The following CCT6A variants were observed in gnomAD, a reference collection of about 807,000 sequenced individuals.
CCT6A encodes chaperonin containing TCP1 subunit 6A, also known as T-complex protein 1 subunit zeta.
Under a neutral mutation model 58.6 loss-of-function variants are expected in CCT6A, and 6 were observed. The observed-to-expected ratio is 0.10, with a 90% CI of 0.06 to 0.20. The LOEUF is 0.20. CCT6A is among the 10% of genes least tolerant of loss of function. CCT6A has a pLI of 1.00. For missense variants in CCT6A, 516 were observed against 648.8 expected (o/e 0.80, Z 2.22); for synonymous variants, 245 against 227.8 (o/e 1.08, Z -0.68).
At chr7:56,053,672 C>G (rs1196231812) in intron 2 of CCT6A, among the ~76,000 whole-genome samples, 1 of 152,070 alleles carries the variant, frequency 6.6e-6, no homozygotes, top group Non-Finnish European at 1.5e-5. Context: ...GAGAATCGAT[C>G]GCTTAAACCT....
At position 56,058,069 on chromosome 7, in the gene CCT6A, CT is replaced by C; in HGVS notation, c.692del (p.Leu231ProfsTer7). On this transcript the variant is annotated frameshift_variant, in exon 6 of 14. Transcript: ENST00000275603. LOFTEE classifies it high-confidence loss of function. Reference protein sequence around the residue: ...MKKRVEDAYILTCNVSLEYEK... With the variant: ...MKKRVEDAYIXTCNVSLEYEK... ...GAAAAGGGTGGAGGATGCATACATC[CT>C]CACTTGTAACGTGTCATTAGAGTAT... is the stretch of plus-strand genomic sequence containing the variant. 6.2e-7 allele frequency: 1 copy of C among 1,608,732 alleles called. No individual in the cohort carries two copies. The highest frequency in any genetic ancestry group is 8.5e-7 in the Non-Finnish European group (1 of 1,175,152).
rs1368450875 is a variant in CCT6A, at chr7:56,052,446, C to G, written c.162C>G (p.Ile54Met). 6.2e-7 allele frequency: 1 copy of G among 1,613,984 alleles called. No homozygotes were observed. Among genetic ancestry groups the G allele is most frequent in the Non-Finnish European group, 8.5e-7 (1 of 1,179,944 alleles). ...GGCTCGTTTCTGGCGCTGGAGACAT[C>G]AAACTTACTAAAGACGGCAATGTGC... ...MKMLVSGAGD[I>M]KLTKDGNVLL... The change falls in exon 2 of 14, where the codon ATC becomes ATG. Residue 54 changes from isoleucine to methionine, a missense_variant. By Grantham distance (10) the Ile-to-Met change is conservative. Around this residue, in one of 3 missense-constraint regions of CCT6A, gnomAD observed 116 missense variants for 184.5 expected, o/e 0.63. Transcript: ENST00000275603.
Position 56,060,279 on chromosome 7 carries a change from A to G in CCT6A, c.1076A>G (p.Lys359Arg). The G allele has an allele frequency of 6.2e-7, 1 of 1,613,834 alleles. No individual in the cohort carries two copies. The highest frequency in any genetic ancestry group is 8.5e-7 in the Non-Finnish European group (1 of 1,179,750). The change falls in exon 10 of 14, where the codon AAG (lysine) becomes AGG (arginine). Residue 359 changes from lysine (K) to arginine (R), a missense_variant. By Grantham distance (26) the Lys-to-Arg change is conservative. Coordinates refer to ENST00000275603, the MANE Select transcript of CCT6A (RefSeq NM_001762.4). ...LVYEYTLGEEKFTFIEKCNNP... is the reference protein window; with the variant it reads ...LVYEYTLGEERFTFIEKCNNP... ...TTTTTCTACACATAGGGAGAAGAGA[A>G]GTTTACCTTTATTGAGAAATGTAAC...
chr7:56,054,668 G>A (rs1287784239), intron 3 of CCT6A, among the ~76,000 whole-genome samples, 165 bp downstream of exon 3: 1 of 152,186 alleles, frequency 6.6e-6, no homozygotes, highest in African/African-American at 2.4e-5. Flanking sequence ...CCTTGGACAG[G>A]TTATAGAACC....
At position 56,060,252 on chromosome 7, in the gene CCT6A, AT is replaced by A. The variant is rs71015173; in HGVS notation, c.1066-11del. On this transcript the variant is annotated splice_polypyrimidine_tract_variant and intron_variant, in intron 9 of 13. Transcript: ENST00000275603. Reference sequence around the variant, plus strand: ...CACAAATCCTGTTTTTGAAAATCATATTTTTTCTACACATAGGGAGAAGAGA... The same window carrying A: ...CACAAATCCTGTTTTTGAAAATCATATTTTTCTACACATAGGGAGAAGAGA... 0.021 allele frequency: 34,240 copies of A among 1,609,572 alleles called. 638 individuals are homozygous for A. Among genetic ancestry groups the A allele is most frequent in the Admixed American group, 0.079 (4,714 of 59,762 alleles).
chr7:56,056,704 A>G (rs1208459877), intron 5 of CCT6A, among the ~76,000 whole-genome samples: 3 of 148,480 alleles, frequency 2.0e-5, no homozygotes, highest in Non-Finnish European at 2.9e-5. Flanking sequence ...CCTGGGTGAC[A>G]AGAGCGAAAC....
intron 1 of CCT6A, 73 bp from the exon 2 acceptor site, chr7:56,052,349 G>A (rs1794142117): frequency 7.2e-7 from 1 of 1,394,398 alleles, no homozygotes; most frequent in African/African-American, 1.4e-5. Context: ...TCTGGGAAAA[G>A]CCCGTTTTCT....
At position 56,063,151 on chromosome 7, in the gene CCT6A, A is replaced by G; in HGVS notation, c.*66A>G. 9.0e-7 allele frequency: 1 copy of G among 1,112,762 alleles called. No individual in the cohort carries two copies. Among genetic ancestry groups the G allele is most frequent in the Non-Finnish European group, 1.4e-6 (1 of 729,780 alleles). 68.9% of individuals were successfully genotyped at this position (1,112,762 alleles called of 1,614,324 possible). A position where few individuals can be genotyped will look rare whatever the true frequency, so the allele number is the denominator to read the frequency against. On this transcript the variant is annotated 3_prime_UTR_variant, in exon 14 of 14. Coordinates refer to ENST00000275603, the MANE Select transcript of CCT6A (RefSeq NM_001762.4). ...GTGATCCTGAGGATTACAGCTGTGG[A>G]ATTTTTGTCCAAGCTTCAAATAATT...
At chr7:56,061,412 G>A (rs1322710534) in intron 11 of CCT6A, among the ~76,000 whole-genome samples, 2 of 72,746 alleles carry the variant, frequency 2.7e-5, no homozygotes, top group Admixed American at 3.6e-4. Flanking sequence ...TTTTGTTCTT[G>A]TTTCCCAGGC....
intron 12 of CCT6A, 132 bp downstream of exon 12, chr7:56,061,981 GATAAAATAGGATATTAATAAAAAATGGA>G: frequency 2.0e-6 from 1 of 505,218 alleles, no homozygotes; most frequent in Non-Finnish European, 3.6e-6. Context: ...TCTAAAATGG[GATAAAATAGGATATTAATAAAAAATGGA>G]ATGACTAGGT....
At position 56,058,078 on chromosome 7, in the gene CCT6A, A is replaced by G; in HGVS notation, c.700A>G (p.Asn234Asp). 1 of 1,600,760 alleles carries G rather than the reference A, an allele frequency of 6.2e-7. No homozygotes were observed. Among genetic ancestry groups the G allele is most frequent in the African/African-American group, 1.3e-5 (1 of 74,706 alleles). The change falls in exon 6 of 14, where the codon AAC (asparagine) becomes GAC (aspartate). Residue 234 changes from asparagine (N) to aspartate (D), a missense_variant. Coordinates refer to ENST00000275603, the MANE Select transcript of CCT6A (RefSeq NM_001762.4). Reference sequence around the variant, plus strand: ...GGAGGATGCATACATCCTCACTTGTAACGTGTCATTAGAGTATGAGAAAAC... The same window carrying G: ...GGAGGATGCATACATCCTCACTTGTGACGTGTCATTAGAGTATGAGAAAAC... The part of the protein sequence containing the change: ...RVEDAYILTC[N>D]VSLEYEKTEV...
chr7:56,059,891 G>C (rs1794396345), intron 9 of CCT6A: 1 of 413,250 alleles, frequency 2.4e-6, no homozygotes, highest in Non-Finnish European at 4.3e-6. Flanking sequence ...TGTAGAAACA[G>C]GTTCATAATT....
intron 1 of CCT6A, 99 bp downstream of exon 1, chr7:56,052,084 G>A: frequency 9.4e-7 from 1 of 1,065,852 alleles, no homozygotes; most frequent in Non-Finnish European, 1.2e-6. Flanking sequence ...CCTCGGGGCT[G>A]CGCAGCCGTC....
intron 5 of CCT6A, among the ~76,000 whole-genome samples, chr7:56,057,170 T>C (rs1389361698): frequency 2.0e-5 from 3 of 152,178 alleles, no homozygotes; most frequent in Non-Finnish European, 4.4e-5. Flanking sequence ...ATATTGTTTT[T>C]AGTAATATTT....
Position 56,051,991 on chromosome 7 carries a change from G to A in CCT6A, c.137+6G>A. ...CCCAAGGGCACCATGAAGATGTAAG[G>A]CGGGGCTGAACCGGAGGGCCGGGCG... On this transcript the variant is annotated splice_donor_region_variant and intron_variant, in intron 1 of 13. Coordinates refer to ENST00000275603, the MANE Select transcript of CCT6A (RefSeq NM_001762.4). 6.6e-7 allele frequency: 1 copy of A among 1,515,200 alleles called. No individual in the cohort carries two copies. The highest frequency in any genetic ancestry group is 8.8e-7 in the Non-Finnish European group (1 of 1,131,618). 93.9% of individuals were successfully genotyped at this position (1,515,200 alleles called of 1,614,324 possible).
Position 56,051,812 on chromosome 7 carries a change from A to C in CCT6A, c.-37A>C. ...CGGCCACGCCGCGCCGGCTCTGGGC[A>C]CTCAGCATCGTTTCCTTTTCCTCCG... On this transcript the variant is annotated 5_prime_UTR_variant, in exon 1 of 14. Coordinates refer to ENST00000275603, the MANE Select transcript of CCT6A (RefSeq NM_001762.4). 1 of 1,545,650 alleles carries C rather than the reference A, an allele frequency of 6.5e-7. No homozygotes were observed. The highest frequency in any genetic ancestry group is 8.7e-7 in the Non-Finnish European group (1 of 1,145,420).
In CCT6A at chr7:56,055,738, G is replaced by A; in HGVS notation, c.451G>A (p.Val151Met). 1 of 1,613,814 alleles carries A rather than the reference G, an allele frequency of 6.2e-7. No homozygotes were observed. Among genetic ancestry groups the A allele is most frequent in the Non-Finnish European group, 8.5e-7 (1 of 1,179,750 alleles). Residue 151 changes from valine (V) to methionine (M), a missense_variant, in exon 4 of 14, where the codon GTG becomes ATG. Physicochemically the swap from Val to Met is conservative, Grantham distance 21 (BLOSUM62 1). Transcript: ENST00000275603. ...REMDRETLID[V>M]ARTSLRTKVH... ...GATGGACAGGGAAACACTTATAGATGTGGCCAGAACATCTCTTCGTACTAA... is the reference window on the plus strand; with the variant it reads ...GATGGACAGGGAAACACTTATAGATATGGCCAGAACATCTCTTCGTACTAA...
Position 56,063,973 on chromosome 7 carries a change from TGTTAA to T in CCT6A, c.*892_*896del, listed in dbSNP as rs1794551582. On this transcript the variant is annotated 3_prime_UTR_variant, in exon 14 of 14. Coordinates refer to ENST00000275603, the MANE Select transcript of CCT6A (RefSeq NM_001762.4). ...GGCCTGAAGTGAGTTGTGCAATAAA[TGTTAA>T]GTTGAAACCTCCTTTCTGTTCTTGC... 1.5e-5 allele frequency: 7 copies of T among 467,658 alleles called. No individual in the cohort carries two copies. The highest frequency in any genetic ancestry group is 2.3e-5 in the Non-Finnish European group (6 of 266,578). 29.0% of individuals were successfully genotyped at this position (467,658 alleles called of 1,614,324 possible).
chr7:56,059,724 T>A (rs1340051566), intron 9 of CCT6A, 84 bp downstream of exon 9: 14 of 718,116 alleles, frequency 1.9e-5, no homozygotes, highest in Non-Finnish European at 3.3e-5. Context: ...GGGGTCTCAC[T>A]CCTGCCCGGG....
Sources: gnomAD v4.1 joint callset for allele counts (sites outside exome capture counted in the v4.1 genomes callset) on GRCh38, gnomAD v4.1.1 for gene constraint, gnomAD v4.1.1 regional missense constraint, MANE v1.5 for transcripts, NCBI Gene and HGNC (gene_info 2026-07-23, HGNC 2026-07-21) for gene names.